The following PARM1 variants were observed in gnomAD, a reference collection of about 807,000 sequenced individuals.
PARM1 encodes the protein prostate androgen-regulated mucin-like protein 1.
In PARM1, 14 loss-of-function variants were observed where a neutral mutation model predicts 24.6. The ratio of observed to expected loss-of-function variants is 0.57; its 90% CI spans 0.38 to 0.89. The LOEUF (loss-of-function observed/expected upper bound fraction) is 0.89. PARM1 is among the 40% of genes least tolerant of loss of function. PARM1 has a pLI of 0.00. For missense variants in PARM1, 362 were observed against 380.4 expected (o/e 0.95, Z 0.40); for synonymous variants, 179 against 156.6 (o/e 1.14, Z -1.07).
rs147269325 is a variant in PARM1 at position 74,973,854 on chromosome 4, A to ATG, written c.44-38555_44-38554dup. Among the ~76,000 whole-genome samples the ATG allele has an allele frequency of 1.7e-3, 264 of 150,884 alleles. 1 individual carries two copies. The highest frequency in any genetic ancestry group is 5.6e-3 in the African/African-American group (230 of 41,186). The stretch of plus-strand genomic sequence containing the variant: ...TCAAATAATAAAATATGTTACATGT[A>ATG]TGTGTGTGTGTGTGTGTCTGTGTGT... On this transcript the variant is annotated intron_variant, in intron 1 of 3. Coordinates refer to ENST00000307428, the MANE Select transcript of PARM1 (RefSeq NM_015393.4).
Position 75,047,982 on chromosome 4 carries a change from C to A in PARM1, c.*1735C>A, listed in dbSNP as rs1363070440. ...ATATAGTAGAAAACAAACATTGGGT[C>A]CGACTTCAAAATGTGTTGTATTGTC... On this transcript the variant is annotated 3_prime_UTR_variant, in exon 4 of 4. Coordinates refer to ENST00000307428, the MANE Select transcript of PARM1 (RefSeq NM_015393.4). 2 of 152,154 alleles carry A rather than the reference C, an allele frequency of 1.3e-5. No individual in the cohort carries two copies. Among genetic ancestry groups the A allele is most frequent in the East Asian group, 3.8e-4 (2 of 5,198 alleles). 9.4% of individuals were successfully genotyped at this position (152,154 alleles called of 1,614,324 possible).
In PARM1 at chr4:74,949,866, T is replaced by C. The variant is rs148709524; in HGVS notation, c.43+16496T>C. Among the ~76,000 whole-genome samples, 663 of 151,864 alleles carry C rather than the reference T, an allele frequency of 4.4e-3. 7 individuals are homozygous for C. Among genetic ancestry groups the C allele is most frequent in the South Asian group, 0.021 (101 of 4,802 alleles). ...TTTTTTTTTTTCAACATAATCTGCT[T>C]CTGCAACAGAAAAAGAGTGACAAAG... On this transcript the variant is annotated intron_variant, in intron 1 of 3. Transcript: ENST00000307428.
chr4:75,022,241 G>A (rs1306678506), intron 2 of PARM1, among the ~76,000 whole-genome samples: 1 of 152,096 alleles, frequency 6.6e-6, no homozygotes, highest in Non-Finnish European at 1.5e-5. Context: ...CTTGTTGTTT[G>A]CCTATTCTTT....
At chr4:75,041,400 C>T (rs1723481458) in intron 3 of PARM1, among the ~76,000 whole-genome samples, 1 of 152,132 alleles carries the variant, frequency 6.6e-6, no homozygotes, top group Non-Finnish European at 1.5e-5. Flanking sequence ...TGTATCCTTC[C>T]ATATTTCTTC....
At chr4:75,038,636 T>G (rs1723416507) in intron 3 of PARM1, among the ~76,000 whole-genome samples, 1 of 152,248 alleles carries the variant, frequency 6.6e-6, no homozygotes, top group Non-Finnish European at 1.5e-5. Flanking sequence ...GTCTGTGAAG[T>G]TGAATCCATG....
intron 1 of PARM1, among the ~76,000 whole-genome samples, chr4:75,005,397 G>C (rs1176420616): frequency 6.6e-6 from 1 of 152,164 alleles, no homozygotes; most frequent in Non-Finnish European, 1.5e-5. Flanking sequence ...AGAAAATCAG[G>C]CTGTCTGCAA....
chr4:74,943,799 G>A (rs56928914), intron 1 of PARM1, among the ~76,000 whole-genome samples: 2,077 of 152,202 alleles, frequency 0.014, 50 homozygotes, highest in African/African-American at 0.047. Context: ...TGAGTCTAAG[G>A]GAAGCACTAT....
rs1162384787 is a variant in PARM1 at position 75,049,659 on chromosome 4, A to G, written c.*3412A>G. ...GGATGGATACCTGAGCACTAACAGCAGTAGACGTAGACCTCTGTCCTTTAC... is the reference window on the plus strand; with the variant it reads ...GGATGGATACCTGAGCACTAACAGCGGTAGACGTAGACCTCTGTCCTTTAC... On this transcript the variant is annotated 3_prime_UTR_variant, in exon 4 of 4. Coordinates refer to ENST00000307428, the MANE Select transcript of PARM1 (RefSeq NM_015393.4). 1 of 152,678 alleles carries G rather than the reference A, an allele frequency of 6.5e-6. No homozygotes were observed. The highest frequency in any genetic ancestry group is 1.5e-5 in the Non-Finnish European group (1 of 68,048). 9.5% of individuals were successfully genotyped at this position (152,678 alleles called of 1,614,324 possible).
At chr4:74,938,804 A>G (rs1412883068) in intron 1 of PARM1, among the ~76,000 whole-genome samples, 1 of 152,198 alleles carries the variant, frequency 6.6e-6, no homozygotes, top group African/African-American at 2.4e-5. Context: ...AACATGGCTT[A>G]TAGATGTTGG....
intron 1 of PARM1, among the ~76,000 whole-genome samples, chr4:74,936,456 T>TTG (rs1553967303): frequency 0.012 from 1,766 of 144,486 alleles, 30 homozygotes; most frequent in African/African-American, 0.03. Context: ...TTTGTTTGTT[T>TTG]TTTTGTTTTT....
intron 1 of PARM1, among the ~76,000 whole-genome samples, chr4:74,952,859 GAT>G (rs1203230461): frequency 2.0e-5 from 3 of 152,170 alleles, no homozygotes; most frequent in East Asian, 1.9e-4. Context: ...ATTTGTGAGT[GAT>G]ATATATGTTT....
intron 1 of PARM1, among the ~76,000 whole-genome samples, chr4:74,934,278 A>G (rs1474741798): frequency 6.6e-6 from 1 of 152,142 alleles, no homozygotes; most frequent in African/African-American, 2.4e-5. Flanking sequence ...GGCTGTGGAT[A>G]TGGTGCTGCT....
At chr4:74,995,496 C>T (rs1722558569) in intron 1 of PARM1, among the ~76,000 whole-genome samples, 1 of 152,084 alleles carries the variant, frequency 6.6e-6, no homozygotes, top group Admixed American at 6.6e-5. Flanking sequence ...ATTATTGTCC[C>T]TACTTTACTT....
At chr4:74,954,334 T>C (rs984142601) in intron 1 of PARM1, among the ~76,000 whole-genome samples, 1 of 152,234 alleles carries the variant, frequency 6.6e-6, no homozygotes, top group African/African-American at 2.4e-5. Flanking sequence ...ACTAAGTCTT[T>C]ACTAGTAAAA....
In PARM1 at chr4:74,968,373, G is replaced by A. The variant is rs536624223; in HGVS notation, c.43+35003G>A. 1.2e-3 allele frequency among the ~76,000 whole-genome samples: 184 copies of A among 152,264 alleles called. 1 individual carries two copies. Among genetic ancestry groups the A allele is most frequent in the Admixed American group, 2.9e-3 (45 of 15,296 alleles). On this transcript the variant is annotated intron_variant, in intron 1 of 3. Coordinates refer to ENST00000307428, the MANE Select transcript of PARM1 (RefSeq NM_015393.4). ...AGATAATTAAATCTGTACAGGTCAG[G>A]AAATATAAAAGTTGATTATTCTGAT...
At chr4:74,937,726 C>T (rs1022681178) in intron 1 of PARM1, among the ~76,000 whole-genome samples, 20 of 152,142 alleles carry the variant, frequency 1.3e-4, no homozygotes, top group African/African-American at 4.8e-4. Flanking sequence ...TTAGGTCATC[C>T]TCTCCAAAAG....
chr4:75,049,128 C>T lies in PARM1; in HGVS notation c.*2881C>T, dbSNP rs1723669184. On this transcript the variant is annotated 3_prime_UTR_variant, in exon 4 of 4. Transcript: ENST00000307428. ...TCAGAGCAGGAGGGAGGCAAGCCGC[C>T]TCTTCTCGGCCATCGACTGCAGATG... 6.6e-6 allele frequency: 1 copy of T among 152,168 alleles called. No homozygotes were observed. Among genetic ancestry groups the T allele is most frequent in the African/African-American group, 2.4e-5 (1 of 41,430 alleles). 9.4% of individuals were successfully genotyped at this position (152,168 alleles called of 1,614,324 possible).
intron 1 of PARM1, among the ~76,000 whole-genome samples, chr4:74,959,191 AT>A (rs1721709499): frequency 6.6e-6 from 1 of 152,242 alleles, no homozygotes; most frequent in South Asian, 2.1e-4. Context: ...AGAGATCTAG[AT>A]TTATAAAATC....
intron 1 of PARM1, among the ~76,000 whole-genome samples, chr4:75,009,964 C>T (rs1289789186): frequency 6.6e-6 from 1 of 152,022 alleles, no homozygotes; most frequent in Admixed American, 6.6e-5. Flanking sequence ...AAAAATTAAG[C>T]AAAAAATTAC....
Sources: allele counts gnomAD v4.1 joint callset (sites outside exome capture counted in the v4.1 genomes callset), GRCh38; gene constraint gnomAD v4.1.1; transcripts MANE v1.5; gene names NCBI Gene and HGNC (gene_info 2026-07-23, HGNC 2026-07-21).